Variants in KRABD5 observed in about 807,000 individuals in gnomAD.
KRABD5 encodes KRAB domain-containing protein 5.
At chr16:31,731,979 C>A in the KRABD5 span, among the ~76,000 whole-genome samples, 3 of 152,324 alleles carry the variant, frequency 2.0e-5, no homozygotes, top group East Asian at 5.8e-4. Flanking sequence ...GGAGCACAGA[C>A]AAGACCAGGA....
the KRABD5 span, among the ~76,000 whole-genome samples, chr16:31,734,980 C>T: frequency 1.2e-4 from 18 of 152,080 alleles, no homozygotes; most frequent in Non-Finnish European, 5.9e-5. Flanking sequence ...AACTCTTGAA[C>T]TAAAATGATC....
At chr16:31,735,784 G>A in the KRABD5 span, among the ~76,000 whole-genome samples, 1 of 152,010 alleles carries the variant, frequency 6.6e-6, no homozygotes, top group East Asian at 1.9e-4. Context: ...GTTTTATTTT[G>A]AGATTTCAAA....
the KRABD5 span, among the ~76,000 whole-genome samples, chr16:31,724,539 A>G: frequency 6.6e-6 from 1 of 151,962 alleles, no homozygotes; most frequent in East Asian, 1.9e-4. Context: ...ATACAAAAAA[A>G]AAATTAGCCG....
chr16:31,744,848 GAGGGT>G, the KRABD5 span, among the ~76,000 whole-genome samples: 121,943 of 151,380 alleles, frequency 0.81, 49,817 homozygotes, highest in African/African-American at 0.93. Flanking sequence ...TTAGTATTGG[GAGGGT>G]AGGGTGTATG....
chr16:31,725,153 T>G, the KRABD5 span, among the ~76,000 whole-genome samples: 4 of 151,852 alleles, frequency 2.6e-5, no homozygotes, highest in Admixed American at 2.6e-4. Context: ...TCTCACTTTG[T>G]TGCCCGGGCT....
At chr16:31,741,302 A>G in the KRABD5 span, among the ~76,000 whole-genome samples, 1 of 152,220 alleles carries the variant, frequency 6.6e-6, no homozygotes, top group Non-Finnish European at 1.5e-5. Context: ...TGGTAGAACA[A>G]TTCATTTTCC....
At chr16:31,753,809 T>C in the KRABD5 span, 13 of 1,544,852 alleles carry the variant, frequency 8.4e-6, no homozygotes, top group Non-Finnish European at 1.0e-5. Context: ...GAAAGAAGCT[T>C]ATAGAAGCAT....
chr16:31,755,196 A>G, the KRABD5 span: 1 of 474,356 alleles, frequency 2.1e-6, no homozygotes, highest in Non-Finnish European at 4.3e-6. Flanking sequence ...CAGAGAATTC[A>G]TACCGGAGAA....
At chr16:31,730,441 G>A in the KRABD5 span, among the ~76,000 whole-genome samples, 20 of 152,048 alleles carry the variant, frequency 1.3e-4, no homozygotes, top group African/African-American at 4.8e-4. Flanking sequence ...AGTTTCCCTT[G>A]TATGTGAAGA....
chr16:31,731,929 A>G, the KRABD5 span, among the ~76,000 whole-genome samples: 1 of 152,176 alleles, frequency 6.6e-6, no homozygotes, highest in Non-Finnish European at 1.5e-5. Context: ...TTTCCAGACC[A>G]TGACTGAGAG....
the KRABD5 span, among the ~76,000 whole-genome samples, chr16:31,740,321 G>C: frequency 2.0e-5 from 3 of 152,124 alleles, no homozygotes; most frequent in Non-Finnish European, 4.4e-5. Flanking sequence ...TATCAAGCTT[G>C]TTGGGTTATT....
the KRABD5 span, among the ~76,000 whole-genome samples, chr16:31,722,230 C>T: frequency 2.6e-5 from 4 of 152,080 alleles, no homozygotes; most frequent in East Asian, 5.8e-4. Flanking sequence ...TGTGCCACCA[C>T]GCCCAGCTAA....
chr16:31,732,865 C>G, the KRABD5 span, among the ~76,000 whole-genome samples: 30 of 152,176 alleles, frequency 2.0e-4, no homozygotes, highest in Admixed American at 5.9e-4. Flanking sequence ...ATTCAAAATG[C>G]CTGTTCTTCA....
At chr16:31,732,225 C>T in the KRABD5 span, among the ~76,000 whole-genome samples, 1 of 152,160 alleles carries the variant, frequency 6.6e-6, no homozygotes, top group Non-Finnish European at 1.5e-5. Context: ...GAAATTGTGA[C>T]CTGGATTGCA....
At chr16:31,740,289 C>T in the KRABD5 span, among the ~76,000 whole-genome samples, 2 of 152,128 alleles carry the variant, frequency 1.3e-5, no homozygotes, top group African/African-American at 4.8e-5. Context: ...CTGTCCTGAC[C>T]ATATACTTTC....
the KRABD5 span, among the ~76,000 whole-genome samples, chr16:31,752,591 C>T: frequency 9.7e-4 from 148 of 152,184 alleles, no homozygotes; most frequent in Middle Eastern, 3.4e-3. Context: ...CACAAAATGC[C>T]AGGTTCAGTT....
the KRABD5 span, among the ~76,000 whole-genome samples, chr16:31,730,714 A>C: frequency 3.9e-5 from 6 of 152,170 alleles, no homozygotes; most frequent in African/African-American, 1.4e-4. Flanking sequence ...TATACAGGCT[A>C]TATGCTTCCT....
chr16:31,756,287 A>G, the KRABD5 span: 1 of 152,146 alleles, frequency 6.6e-6, no homozygotes, highest in Admixed American at 6.6e-5. Context: ...ATATGTGTAA[A>G]CATATAGTAC....
the KRABD5 span, chr16:31,759,283 A>C: frequency 1.9e-5 from 28 of 1,480,018 alleles, no homozygotes; most frequent in Non-Finnish European, 2.6e-5. Context: ...TCCTGGATAA[A>C]ATTCATAAAC....
Sources: gnomAD v4.1 joint callset for allele counts (sites outside exome capture counted in the v4.1 genomes callset) on GRCh38, gnomAD v4.1.1 for gene constraint, MANE v1.5 for transcripts, NCBI Gene and HGNC (gene_info 2026-07-23, HGNC 2026-07-21) for gene names.